ZWILCH: variants seen among roughly 807,000 people sequenced by gnomAD.
ZWILCH encodes the protein zwilch kinetochore protein.
Under a neutral mutation model 79.9 loss-of-function variants are expected in ZWILCH, and 74 were observed. The ratio of observed to expected loss-of-function variants is 0.93; its 90% CI spans 0.77 to 1.12. The LOEUF (loss-of-function observed/expected upper bound fraction) is 1.12. Ranked by LOEUF, ZWILCH falls within the 50% of genes most tolerant of loss-of-function variation. ZWILCH has a pLI of 0.00. For synonymous variants in ZWILCH, 241 were observed against 228.2 expected, an observed-to-expected ratio of 1.06 and a Z score of -0.51; for missense variants, 694 against 687.5, an observed-to-expected ratio of 1.01 and a Z score of -0.11.
At chr15:66,546,362 T>C (rs577904363) in intron 17 of ZWILCH, among the ~76,000 whole-genome samples, 55 of 152,188 alleles carry the variant, frequency 3.6e-4, no homozygotes, top group Middle Eastern at 3.2e-3. Context: ...AATTAAAAAA[T>C]AACCTGCTTC....
chr15:66,548,162 C>G (rs1299395492), intron 18 of ZWILCH, 189 bp from the exon 19 acceptor site: 2 of 174,646 alleles, frequency 1.1e-5, no homozygotes, highest in East Asian at 1.5e-4. Context: ...TATTTCTGGA[C>G]AGATTTTAGA....
At position 66,532,257 on chromosome 15, in the gene ZWILCH, G is replaced by T; in HGVS notation, c.1166G>T (p.Gly389Val). 6.3e-7 allele frequency: 1 copy of T among 1,587,166 alleles called. No homozygotes were observed. Among genetic ancestry groups the T allele is most frequent in the Non-Finnish European group, 8.5e-7 (1 of 1,170,164 alleles). ...RGDIQPWLHS[G>V]SNSLLSKLIH... ...TTTCCTGATTTCTAGCTCCATAGTG[G>T]AAGTAACAGTTTACTAAGTAAGCTC... is the stretch of plus-strand genomic sequence containing the variant. The change falls in exon 13 of 19, where the codon GGA becomes GTA. Residue 389 changes from glycine to valine, a missense_variant. Gly to Val is a moderately radical substitution (Grantham distance 109). Transcript: ENST00000307897.
In ZWILCH at chr15:66,519,035, C is replaced by T. The variant is rs955072982; in HGVS notation, c.477C>T (p.Asn159=). Residue 159 remains asparagine, a synonymous_variant, in exon 5 of 19, where the codon AAC becomes AAT. Coordinates refer to ENST00000307897, the MANE Select transcript of ZWILCH (RefSeq NM_017975.5). ...CWLGAELITT[N]NSITGIVLYV... Reference sequence around the variant, plus strand: ...TAGGAGCTGAGCTTATCACAACAAACAACAGCATTACAGGAATTGTCTTAT... The same window carrying T: ...TAGGAGCTGAGCTTATCACAACAAATAACAGCATTACAGGAATTGTCTTAT... The T allele has an allele frequency of 3.2e-5, 52 of 1,614,180 alleles. No homozygotes were observed. Among genetic ancestry groups the T allele is most frequent in the Non-Finnish European group, 4.2e-5 (49 of 1,180,032 alleles).
At chr15:66,537,793 C>G (rs1230702996) in intron 16 of ZWILCH, among the ~76,000 whole-genome samples, 2 of 152,124 alleles carry the variant, frequency 1.3e-5, no homozygotes, top group Non-Finnish European at 2.9e-5. Flanking sequence ...CAGTAGGGAC[C>G]TCATGACCCA....
intron 17 of ZWILCH, among the ~76,000 whole-genome samples, chr15:66,544,243 G>A (rs143467830): frequency 0.013 from 1,958 of 148,538 alleles, 34 homozygotes; most frequent in African/African-American, 0.046. Context: ...GGCAACAAGA[G>A]CGAAACTCCA....
intron 2 of ZWILCH, among the ~76,000 whole-genome samples, chr15:66,511,241 A>G (rs1041050933): frequency 1.1e-4 from 16 of 152,136 alleles, no homozygotes; most frequent in Non-Finnish European, 2.1e-4. Flanking sequence ...ATCCTAGCAC[A>G]TTGGGAGGCT....
intron 3 of ZWILCH, chr15:66,514,310 CTT>C (rs35120770): frequency 2.9e-3 from 577 of 201,372 alleles, no homozygotes; most frequent in Middle Eastern, 0.01. Flanking sequence ...TCACTTATTT[CTT>C]TTTTTTTTTT....
At chr15:66,519,695 C>T (rs970645277) in intron 5 of ZWILCH, among the ~76,000 whole-genome samples, 1 of 152,196 alleles carries the variant, frequency 6.6e-6, no homozygotes, top group Non-Finnish European at 1.5e-5. Flanking sequence ...CGGGGGTTCA[C>T]CATATTGGTC....
intron 16 of ZWILCH, among the ~76,000 whole-genome samples, chr15:66,538,562 T>C (rs1273285227): frequency 6.6e-6 from 1 of 152,068 alleles, no homozygotes; most frequent in Non-Finnish European, 1.5e-5. Context: ...TTTGTATTTT[T>C]AGTAGAGACA....
At chr15:66,545,911 T>G (rs942250449) in intron 17 of ZWILCH, among the ~76,000 whole-genome samples, 1 of 152,194 alleles carries the variant, frequency 6.6e-6, no homozygotes, top group African/African-American at 2.4e-5. Context: ...TTCAAGAAAT[T>G]TAATGGTATG....
chr15:66,511,734 G>C (rs963454410), intron 2 of ZWILCH, among the ~76,000 whole-genome samples: 1 of 151,948 alleles, frequency 6.6e-6, no homozygotes, highest in African/African-American at 2.4e-5. Context: ...TTCTGCTTCA[G>C]CCTCCCAAGT....
At position 66,528,598 on chromosome 15, in the gene ZWILCH, A is replaced by G. The variant is rs185085437; in HGVS notation, c.970-254A>G. On this transcript the variant is annotated intron_variant, in intron 10 of 18. Transcript: ENST00000307897. ...CAAATAGGAAAACGGAGACCAAGGT[A>G]ATTTAATTTTTTTTTTACATGGAGG... Among the ~76,000 whole-genome samples, 557 of 128,706 alleles carry G rather than the reference A, an allele frequency of 4.3e-3. 2 individuals carry two copies. Among genetic ancestry groups the G allele is most frequent in the African/African-American group, 0.015 (532 of 36,048 alleles). 84.4% of individuals were successfully genotyped at this position (128,706 alleles called of 152,430 possible). A position where few individuals can be genotyped will look rare whatever the true frequency, so the allele number is the denominator to read the frequency against.
At chr15:66,538,404 C>CA (rs1231321460) in intron 16 of ZWILCH, among the ~76,000 whole-genome samples, 1 of 150,010 alleles carries the variant, frequency 6.7e-6, no homozygotes, top group Middle Eastern at 3.2e-3. Flanking sequence ...TTTTTTTAGA[C>CA]AGAGTTTCGC....
chr15:66,523,873 T>G, intron 8 of ZWILCH, 125 bp downstream of exon 8: 7 of 623,568 alleles, frequency 1.1e-5, no homozygotes, highest in Non-Finnish European at 1.8e-5. Context: ...CATTAGAAGC[T>G]CTGACAGTTT....
At chr15:66,507,938 C>CAAAAAA (rs34334763) in intron 1 of ZWILCH, among the ~76,000 whole-genome samples, 1 of 97,674 alleles carries the variant, frequency 1.0e-5, no homozygotes. Context: ...GACTGCATCT[C>CAAAAAA]AAAAAAAAAA....
rs2140828864 is a variant in ZWILCH, at chr15:66,549,549, T to G, written c.*1225T>G. On this transcript the variant is annotated 3_prime_UTR_variant, in exon 19 of 19. Coordinates refer to ENST00000307897, the MANE Select transcript of ZWILCH (RefSeq NM_017975.5). ...TTGTTATTCGACATCTCTGATCCTT[T>G]TAGACCCCATTACATAGGAAATGAT... The G allele has an allele frequency of 6.6e-6, 1 of 152,470 alleles. No homozygotes were observed. The highest frequency in any genetic ancestry group is 2.1e-4 in the South Asian group (1 of 4,832). The allele number at this position is 152,470 out of a possible 1,614,324, so 9.4% of individuals were successfully genotyped here.
At chr15:66,544,205 C>T (rs951851798) in intron 17 of ZWILCH, among the ~76,000 whole-genome samples, 9 of 147,158 alleles carry the variant, frequency 6.1e-5, no homozygotes, top group Non-Finnish European at 1.0e-4. Context: ...TTCAGTGAGC[C>T]GATATCACGC....
chr15:66,548,611 A>T lies in ZWILCH; in HGVS notation c.*287A>T, dbSNP rs1392374555. The T allele has an allele frequency of 6.7e-7, 1 of 1,482,642 alleles. No individual in the cohort carries two copies. The highest frequency in any genetic ancestry group is 1.7e-5 in the Admixed American group (1 of 59,812). The allele number at this position is 1,482,642 out of a possible 1,614,324, so 91.8% of individuals were successfully genotyped here. A position where few individuals can be genotyped will look rare whatever the true frequency, so the allele number is the denominator to read the frequency against. On this transcript the variant is annotated 3_prime_UTR_variant, in exon 19 of 19. Transcript: ENST00000307897. ...CATGTGACTTAGCAAGGGCTCTGAA[A>T]TGACAAAGAGAACGAGCACCACAAA...
chr15:66,505,575 G>T lies in ZWILCH; in HGVS notation c.53+184G>T, dbSNP rs1312545514. 9.4e-6 allele frequency: 6 copies of T among 641,532 alleles called. No individual in the cohort carries two copies. In the Admixed American group the frequency reaches 1.7e-4, roughly 18 times the overall value. The allele number at this position is 641,532 out of a possible 1,614,324, so 39.7% of individuals were successfully genotyped here. On this transcript the variant is annotated intron_variant, in intron 1 of 18. Coordinates refer to ENST00000307897, the MANE Select transcript of ZWILCH (RefSeq NM_017975.5). The stretch of plus-strand genomic sequence containing the variant: ...TGTGGGGTTGACCGTGTGGGAGCTT[G>T]CTTGTCTCAGGAGAAAACGTGTACG...
Sources: allele counts gnomAD v4.1 joint callset (sites outside exome capture counted in the v4.1 genomes callset), GRCh38; gene constraint gnomAD v4.1.1; transcripts MANE v1.5; gene names NCBI Gene and HGNC (gene_info 2026-07-23, HGNC 2026-07-21).